The following SENP8 variants were observed in gnomAD, a reference collection of about 807,000 sequenced individuals.
SENP8 encodes sentrin-specific protease 8.
Under a neutral mutation model 14.4 loss-of-function variants are expected in SENP8, and 10 were observed. That is an observed-to-expected ratio of 0.69 (90% CI 0.43 to 1.18). The LOEUF (loss-of-function observed/expected upper bound fraction) is 1.18. Ranked by LOEUF, SENP8 falls within the 50% of genes most tolerant of loss-of-function variation. The pLI is 0.00. For missense variants in SENP8, 202 were observed against 249.4 expected (o/e 0.81, Z 1.28); for synonymous variants, 94 against 95.5 (o/e 0.98, Z 0.09).
chr15:72,123,766 C>T (rs2081188976), intron 1 of SENP8, among the ~76,000 whole-genome samples: 1 of 152,118 alleles, frequency 6.6e-6, no homozygotes, highest in Admixed American at 6.5e-5. Context: ...TCTAGAACGC[C>T]CGACCTCAGG....
intron 1 of SENP8, among the ~76,000 whole-genome samples, chr15:72,132,837 T>C (rs1752709325): frequency 6.6e-6 from 1 of 152,050 alleles, no homozygotes; most frequent in Non-Finnish European, 1.5e-5. Context: ...CTATCATTTC[T>C]CCTGCTTTAG....
chr15:72,138,107 C>T (rs1025573268), intron 1 of SENP8, among the ~76,000 whole-genome samples: 4 of 151,892 alleles, frequency 2.6e-5, no homozygotes, highest in African/African-American at 9.7e-5. Context: ...ATTAAGGAGC[C>T]AAATAATACA....
chr15:72,137,207 T>C (rs1368880452), intron 1 of SENP8, among the ~76,000 whole-genome samples: 1 of 151,992 alleles, frequency 6.6e-6, no homozygotes, highest in East Asian at 1.9e-4. Flanking sequence ...TACAACTCTC[T>C]AGGGTATGTA....
At chr15:72,117,936 G>A (rs935862537), upstream of SENP8, 11 of 400,836 alleles carry the variant, frequency 2.7e-5, no homozygotes, top group Non-Finnish European at 4.4e-5. Context: ...AGCACGCGTT[G>A]GACCGCCGCC....
At chr15:72,116,360 C>T (rs117098363), upstream of SENP8, among the ~76,000 whole-genome samples, 4 of 152,310 alleles carry the variant, frequency 2.6e-5, no homozygotes, top group Non-Finnish European at 4.4e-5. Flanking sequence ...AAATTACGTA[C>T]TGATCATTTG....
chr15:72,125,815 T>C lies in SENP8; in HGVS notation c.-48+7351T>C, dbSNP rs543378968. Reference sequence around the variant, plus strand: ...GTAATCTTTTTTCTTTTTTATTTATTTATTTATTTTATTTATTTATTTTTT... The same window carrying C: ...GTAATCTTTTTTCTTTTTTATTTATCTATTTATTTTATTTATTTATTTTTT... On this transcript the variant is annotated intron_variant, in intron 1 of 1. Transcript: ENST00000340912. 9.9e-5 allele frequency among the ~76,000 whole-genome samples: 15 copies of C among 151,722 alleles called. 1 individual carries two copies. The South Asian group carries it at 3.1e-3, about 31-fold the overall frequency.
chr15:72,117,399 T>C (rs1477695197), upstream of SENP8, among the ~76,000 whole-genome samples: 1 of 152,080 alleles, frequency 6.6e-6, no homozygotes, highest in Non-Finnish European at 1.5e-5. Flanking sequence ...CCTAAGGGAC[T>C]CTGAGGGGTA....
intron 1 of SENP8, chr15:72,135,534 A>G (rs1386003989): frequency 1.3e-5 from 2 of 152,210 alleles, no homozygotes; most frequent in Non-Finnish European, 2.9e-5. Context: ...TCACACAGCC[A>G]ATGAGTAACA....
At chr15:72,128,560 A>C (rs889266888) in intron 1 of SENP8, among the ~76,000 whole-genome samples, 3 of 152,202 alleles carry the variant, frequency 2.0e-5, no homozygotes, top group Non-Finnish European at 2.9e-5. Flanking sequence ...TTTCATGCTG[A>C]TTTTGCATTT....
intron 1 of SENP8, among the ~76,000 whole-genome samples, chr15:72,120,486 T>C (rs1336946568): frequency 2.6e-5 from 4 of 152,298 alleles, no homozygotes; most frequent in Admixed American, 6.5e-5. Flanking sequence ...TTGAATTCCA[T>C]GGTGAAGAGT....
chr15:72,114,951 T>C (rs935287055), upstream of SENP8, among the ~76,000 whole-genome samples: 11 of 152,202 alleles, frequency 7.2e-5, no homozygotes, highest in African/African-American at 2.4e-4. Context: ...AACTTCCACA[T>C]AGTATAATCC....
In SENP8 at chr15:72,140,115, G is replaced by A. The variant is rs1360371865; in HGVS notation, c.492G>A (p.Gly164=). The part of the protein sequence containing the change: ...APAQQNSYDC[G]MYVICNTEAL... ...CCCAACAAAACAGCTATGACTGTGG[G>A]ATGTACGTGATATGTAACACTGAGG... The change falls in exon 2 of 2, where the codon GGG becomes GGA. Residue 164 remains glycine (G), a synonymous_variant. Transcript: ENST00000340912. 1 of 1,614,158 alleles carries A rather than the reference G, an allele frequency of 6.2e-7. No homozygotes were observed. The highest frequency in any genetic ancestry group is 8.5e-7 in the Non-Finnish European group (1 of 1,180,042).
chr15:72,126,316 A>G (rs2081218634), intron 1 of SENP8, among the ~76,000 whole-genome samples: 1 of 152,122 alleles, frequency 6.6e-6, no homozygotes, highest in African/African-American at 2.4e-5. Flanking sequence ...TGTATTGAAC[A>G]TTTTGCAGAT....
intron 1 of SENP8, among the ~76,000 whole-genome samples, chr15:72,126,578 T>C (rs1460400365): frequency 1.3e-5 from 2 of 152,070 alleles, no homozygotes; most frequent in Admixed American, 6.5e-5. Flanking sequence ...TGAGCCGAGA[T>C]TGCGCCACTA....
chr15:72,139,468 G>C, intron 1 of SENP8, 109 bp from the exon 2 acceptor site: 3 of 1,090,514 alleles, frequency 2.8e-6, no homozygotes, highest in Non-Finnish European at 3.9e-6. Flanking sequence ...AACCCACCTT[G>C]TCCAAGGGTC....
At chr15:72,124,495 C>T (rs1055499524) in intron 1 of SENP8, among the ~76,000 whole-genome samples, 2 of 152,166 alleles carry the variant, frequency 1.3e-5, no homozygotes, top group Non-Finnish European at 2.9e-5. Flanking sequence ...CATATTTGGT[C>T]TTGGATGTGA....
chr15:72,125,983 C>G (rs1470967394), intron 1 of SENP8, among the ~76,000 whole-genome samples: 1 of 151,998 alleles, frequency 6.6e-6, no homozygotes, highest in Non-Finnish European at 1.5e-5. Context: ...ACTACCATAT[C>G]CAACTTGTTT....
intron 1 of SENP8, among the ~76,000 whole-genome samples, chr15:72,123,152 A>G (rs970106574): frequency 3.9e-5 from 6 of 152,216 alleles, no homozygotes; most frequent in Non-Finnish European, 8.8e-5. Context: ...AGGATTTGAA[A>G]TCCTTAGAAC....
intron 1 of SENP8, among the ~76,000 whole-genome samples, chr15:72,132,158 T>C (rs1440898264): frequency 6.6e-6 from 1 of 152,140 alleles, no homozygotes; most frequent in Non-Finnish European, 1.5e-5. Context: ...CCCTAAAACA[T>C]AGAACTATGT....
Sources: allele counts gnomAD v4.1 joint callset (sites outside exome capture counted in the v4.1 genomes callset), GRCh38; gene constraint gnomAD v4.1.1; transcripts MANE v1.5; gene names NCBI Gene and HGNC (gene_info 2026-07-23, HGNC 2026-07-21).